Variants in ANKS1B observed in about 807,000 individuals in gnomAD.
ANKS1B encodes the protein ankyrin repeat and sterile alpha motif domain containing 1B.
ANKS1B carries 36 observed loss-of-function variants against 148.3 expected under a neutral mutation model. That is an observed-to-expected ratio of 0.24 (90% CI 0.19 to 0.32). The LOEUF (loss-of-function observed/expected upper bound fraction) is 0.32. Ranked by LOEUF, ANKS1B falls within the 10% of genes least tolerant of loss-of-function variation. The probability of loss-of-function intolerance (pLI) is 1.00; values close to 1 mark genes in which losing one functional copy is unlikely to be tolerated. For synonymous variants in ANKS1B, 542 were observed against 560.8 expected (o/e 0.97, Z 0.47); for missense variants, 1,157 against 1,542.6 (o/e 0.75, Z 4.19).
At chr12:99,069,313 T>C (rs73386573) in intron 16 of ANKS1B, among the ~76,000 whole-genome samples, 16 of 152,330 alleles carry the variant, frequency 1.1e-4, no homozygotes, top group Non-Finnish European at 1.9e-4. Context: ...GATAATGTAA[T>C]TGAGTCCCAG....
intron 9 of ANKS1B, among the ~76,000 whole-genome samples, chr12:99,511,672 C>T (rs780241259): frequency 2.6e-4 from 39 of 151,902 alleles, no homozygotes; most frequent in Non-Finnish European, 5.1e-4. Flanking sequence ...ATACTCAAGG[C>T]TATAGTAATG....
At chr12:99,194,918 G>A (rs567447501) in intron 14 of ANKS1B, among the ~76,000 whole-genome samples, 20 of 152,144 alleles carry the variant, frequency 1.3e-4, no homozygotes, top group African/African-American at 4.3e-4. Flanking sequence ...TAGGAACATG[G>A]ATGTTCATAA....
chr12:99,792,946 C>A (rs11110042), intron 4 of ANKS1B, among the ~76,000 whole-genome samples: 1 of 151,802 alleles, frequency 6.6e-6, no homozygotes, highest in African/African-American at 2.4e-5. Context: ...TTTGGAAAAA[C>A]CTAAAGACTC....
intron 17 of ANKS1B, among the ~76,000 whole-genome samples, chr12:98,864,689 T>G (rs570265664): frequency 2.6e-5 from 4 of 152,210 alleles, no homozygotes; most frequent in African/African-American, 4.8e-5. Context: ...TACCTTTCTA[T>G]GTATGTATAC....
In ANKS1B at chr12:99,773,008, A is replaced by C. The variant is rs746470124; in HGVS notation, c.1042T>G (p.Leu348Val). 4.4e-5 allele frequency: 71 copies of C among 1,612,164 alleles called. No individual in the cohort carries two copies. Among genetic ancestry groups the C allele is most frequent in the Non-Finnish European group, 5.9e-5 (69 of 1,178,846 alleles). Reference protein sequence around the residue: ...CQEKDYSFEDLCHTISDHYLD... With the variant: ...CQEKDYSFEDVCHTISDHYLD... ...TAGTGGTCTGATATTGTGTGGCACA[A>C]GTCTTCAAACGAATAATCCTTTTCT... The change falls in exon 8 of 27, where the codon TTG becomes GTG. Residue 348 changes from leucine to valine, a missense_variant. By Grantham distance (32) the Leu-to-Val change is conservative. Coordinates refer to ENST00000683438, the MANE Select transcript of ANKS1B (RefSeq NM_001352186.2).
chr12:99,429,684 C>T (rs895520786), intron 11 of ANKS1B, among the ~76,000 whole-genome samples: 1 of 152,192 alleles, frequency 6.6e-6, no homozygotes, highest in Non-Finnish European at 1.5e-5. Flanking sequence ...TAACATGGGG[C>T]CGGGCGCGGT....
intron 14 of ANKS1B, among the ~76,000 whole-genome samples, chr12:99,184,155 A>G (rs1280316019): frequency 6.6e-6 from 1 of 152,206 alleles, no homozygotes; most frequent in Non-Finnish European, 1.5e-5. Flanking sequence ...CAGTACCAAG[A>G]TAATAAAAGA....
chr12:99,422,193 A>G (rs11609894), intron 11 of ANKS1B, among the ~76,000 whole-genome samples: 26,681 of 152,106 alleles, frequency 0.18, 2,492 homozygotes, highest in Non-Finnish European at 0.22. Flanking sequence ...CCCTGGTGCA[A>G]TGGCATCACC....
chr12:99,053,081 C>A (rs1171701615), intron 17 of ANKS1B, 76 bp downstream of exon 17: 74 of 1,345,762 alleles, frequency 5.5e-5, no homozygotes, highest in Non-Finnish European at 7.2e-5. Context: ...GATGTCCAAA[C>A]ACTTATAAAA....
intron 9 of ANKS1B, among the ~76,000 whole-genome samples, chr12:99,519,085 G>A (rs2096850418): frequency 6.6e-6 from 1 of 151,928 alleles, no homozygotes; most frequent in African/African-American, 2.4e-5. Context: ...CAGAGAAAAT[G>A]CTTAATATTA....
chr12:99,632,767 A>ATATATTTTTTTTTT lies in ANKS1B; in HGVS notation c.1272+22299_1272+22300insAAAAAAAAAATATA, dbSNP rs1441486862. 5.6e-5 allele frequency among the ~76,000 whole-genome samples: 4 copies of ATATATTTTTTTTTT among 71,316 alleles called. No homozygotes were observed. In the South Asian group the frequency reaches 1.8e-3, roughly 32 times the overall value. 46.8% of individuals were successfully genotyped at this position (71,316 alleles called of 152,430 possible). ...TATATATATATATATATATATATAT[A>ATATATTTTTTTTTT]TTTTAATTATACTTTAAGTTCTAGG... On this transcript the variant is annotated intron_variant, in intron 9 of 26. Transcript: ENST00000683438.
chr12:99,464,869 C>A (rs2096068694), intron 10 of ANKS1B, among the ~76,000 whole-genome samples: 1 of 152,150 alleles, frequency 6.6e-6, no homozygotes, highest in Non-Finnish European at 1.5e-5. Context: ...AAACACTATG[C>A]AGGATATTAT....
At chr12:99,652,808 G>A (rs1378620956) in intron 9 of ANKS1B, among the ~76,000 whole-genome samples, 5 of 152,060 alleles carry the variant, frequency 3.3e-5, no homozygotes, top group Middle Eastern at 6.9e-3. Flanking sequence ...GGATAAAAAC[G>A]AGAGGAATAT....
At chr12:99,073,363 T>C (rs541132323) in intron 16 of ANKS1B, among the ~76,000 whole-genome samples, 160 of 152,342 alleles carry the variant, frequency 1.1e-3, no homozygotes, top group African/African-American at 3.6e-3. Flanking sequence ...TTTAATGCTC[T>C]AAAGATGTGT....
chr12:99,248,830 A>T (rs1160033334), intron 12 of ANKS1B, among the ~76,000 whole-genome samples: 4 of 151,812 alleles, frequency 2.6e-5, no homozygotes, highest in African/African-American at 9.7e-5. Flanking sequence ...GATAAGCTTT[A>T]AAAAAATCTA....
intron 8 of ANKS1B, among the ~76,000 whole-genome samples, chr12:99,720,518 T>C (rs2057966333): frequency 6.6e-6 from 1 of 152,182 alleles, no homozygotes; most frequent in Admixed American, 6.5e-5. Flanking sequence ...TCCCTTACAG[T>C]CCTCAGTCTT....
At chr12:99,942,335 G>A (rs181777934) in intron 1 of ANKS1B, among the ~76,000 whole-genome samples, 45 of 152,296 alleles carry the variant, frequency 3.0e-4, no homozygotes, top group Admixed American at 2.7e-3. Context: ...CTGGATTTGG[G>A]AATAAAAGAA....
intron 12 of ANKS1B, among the ~76,000 whole-genome samples, chr12:99,314,609 C>T (rs886279450): frequency 8.5e-5 from 13 of 152,090 alleles, no homozygotes; most frequent in Non-Finnish European, 2.9e-5. Flanking sequence ...TCAGTAATAA[C>T]ACCACACATC....
At chr12:98,739,452 C>G (rs1282841975), downstream of ANKS1B, among the ~76,000 whole-genome samples, 9 of 152,216 alleles carry the variant, frequency 5.9e-5, no homozygotes, top group Non-Finnish European at 1.3e-4. Context: ...TTGCCAGCAC[C>G]TGGCCACTGC....
Sources: gnomAD v4.1 joint callset for allele counts (sites outside exome capture counted in the v4.1 genomes callset) on GRCh38, gnomAD v4.1.1 for gene constraint, MANE v1.5 for transcripts, NCBI Gene and HGNC (gene_info 2026-07-23, HGNC 2026-07-21) for gene names.